The following HPS1 variants were observed in gnomAD, a reference collection of about 807,000 sequenced individuals.
HPS1 encodes HPS1 biogenesis of lysosomal organelles complex 3 subunit 1.
Under a neutral mutation model 90.6 loss-of-function variants are expected in HPS1, and 59 were observed. The observed-to-expected ratio is 0.65, with a 90% confidence interval of 0.53 to 0.81. The LOEUF is 0.81. Ranked by LOEUF, HPS1 falls within the 30% of genes least tolerant of loss-of-function variation. The pLI is 0.00. For missense variants in HPS1, 849 were observed against 896.7 expected (o/e 0.95, Z 0.68); for synonymous variants, 388 against 384.4 (o/e 1.01, Z -0.11).
Position 98,434,214 on chromosome 10 carries a change from A to G in HPS1, c.399-123T>C, listed in dbSNP as rs751274320. ...TGGTGAGCCCATATGACCTGCCCAC[A>G]CAGCTGGGAAAGGGGGCCAGGTTTC... On this transcript the variant is annotated intron_variant, in intron 5 of 19. Transcript: ENST00000361490. The G allele has an allele frequency of 2.7e-4, 261 of 960,700 alleles. 1 individual carries two copies. The highest frequency in any genetic ancestry group is 3.9e-4 in the Non-Finnish European group (255 of 660,776). 59.5% of individuals were successfully genotyped at this position (960,700 alleles called of 1,614,324 possible).
At chr10:98,425,163 C>G (rs905821332) in intron 13 of HPS1, among the ~76,000 whole-genome samples, 1 of 152,312 alleles carries the variant, frequency 6.6e-6, no homozygotes, top group Admixed American at 6.5e-5. Context: ...GGGACACAGC[C>G]CCGCTGCAGA....
chr10:98,422,231 A>G, intron 17 of HPS1, 138 bp downstream of exon 17: 1 of 858,684 alleles, frequency 1.2e-6, no homozygotes, highest in Non-Finnish European at 1.9e-6. Flanking sequence ...GCATTTATTT[A>G]TGCCGGCACT....
rs544117800 is a variant in HPS1, at chr10:98,426,057, T to C, written c.988-72A>G. 3,631 of 1,322,712 alleles carry C rather than the reference T, an allele frequency of 2.7e-3. 13 individuals carry two copies. The highest frequency in any genetic ancestry group is 3.6e-3 in the Non-Finnish European group (3,284 of 921,684). The allele number at this position is 1,322,712 out of a possible 1,614,324, so 81.9% of individuals were successfully genotyped here. On this transcript the variant is annotated intron_variant, in intron 11 of 19. Transcript: ENST00000361490. ...GACCCACCCATTGCGGCCCTATCTG[T>C]GAACCACAAGAAATAATCATTTTTA...
rs577312711 is a variant in HPS1 at position 98,446,892 on chromosome 10, C to G, written c.-191G>C. The G allele has an allele frequency of 4.7e-4, 72 of 152,174 alleles. No individual in the cohort carries two copies. The highest frequency in any genetic ancestry group is 1.6e-3 in the African/African-American group (67 of 41,546). The allele number at this position is 152,174 out of a possible 1,614,324, so 9.4% of individuals were successfully genotyped here. A position where few individuals can be genotyped will look rare whatever the true frequency, so the allele number is the denominator to read the frequency against. ...CAGCCCGGAGGCCCACGTACCGGAT[C>G]GCGGCGCGCACAGCGCCCCGCCTGC... is the stretch of plus-strand genomic sequence containing the variant. On this transcript the variant is annotated 5_prime_UTR_variant, in exon 1 of 20. Transcript: ENST00000361490.
At chr10:98,418,596 C>T (rs1317281408) in intron 18 of HPS1, among the ~76,000 whole-genome samples, 4 of 152,232 alleles carry the variant, frequency 2.6e-5, no homozygotes, top group Non-Finnish European at 5.9e-5. Flanking sequence ...CAAGCCTCTG[C>T]TCTGAAAGAA....
intron 19 of HPS1, 167 bp downstream of exon 19, chr10:98,418,008 A>G (rs1221581981): frequency 1.6e-6 from 1 of 642,344 alleles, no homozygotes; most frequent in Non-Finnish European, 2.8e-6. Context: ...TACCCTCCAC[A>G]CCCGTCCTCC....
chr10:98,435,853 T>C lies in HPS1; in HGVS notation c.118-81A>G, dbSNP rs1217386893. 5.7e-6 allele frequency: 9 copies of C among 1,578,284 alleles called. No individual in the cohort carries two copies. The highest frequency in any genetic ancestry group is 7.8e-6 in the Non-Finnish European group (9 of 1,150,022). On this transcript the variant is annotated intron_variant, in intron 3 of 19. Coordinates refer to ENST00000361490, the MANE Select transcript of HPS1 (RefSeq NM_000195.5). This position sits in a 1 kb window ranked among gnomAD's most constrained non-coding sequence, Gnocchi z 4.3. Reference sequence around the variant, plus strand: ...AGGAAGGGACAAGATCAGGCCTTGATATCAAGGGTTCCATAGTGTTAGACC... The same window carrying C: ...AGGAAGGGACAAGATCAGGCCTTGACATCAAGGGTTCCATAGTGTTAGACC...
chr10:98,417,689 C>T lies in HPS1; in HGVS notation c.1978G>A (p.Glu660Lys), dbSNP rs1268528373. 8.1e-6 allele frequency: 13 copies of T among 1,613,856 alleles called. No homozygotes were observed. Among genetic ancestry groups the T allele is most frequent in the South Asian group, 5.5e-5 (5 of 91,072 alleles). The change falls in exon 20 of 20, where the codon GAG becomes AAG. Residue 660 changes from glutamate (E) to lysine (K), a missense_variant. Glu to Lys is a moderately conservative substitution (Grantham distance 56, BLOSUM62 1). Coordinates refer to ENST00000361490, the MANE Select transcript of HPS1 (RefSeq NM_000195.5). The surrounding 1 kb of genome is among the most constrained non-coding windows in gnomAD (Gnocchi z 4.2). ...LRYYSKNRPT[E>K]AVRCYELLAL... is the part of the protein sequence containing the mutation. ...AGCAGCTCGTAGCACCTGACAGCCTCGGTTGGGCGGTTCTTGCTGTAGTAG... is the reference window on the plus strand; with the variant it reads ...AGCAGCTCGTAGCACCTGACAGCCTTGGTTGGGCGGTTCTTGCTGTAGTAG...
In HPS1 at chr10:98,425,699, G is replaced by A. The variant is rs137911107; in HGVS notation, c.1177C>T (p.Leu393=). Residue 393 remains leucine, a synonymous_variant, in exon 13 of 20, where the codon CTG becomes TTG. Coordinates refer to ENST00000361490, the MANE Select transcript of HPS1 (RefSeq NM_000195.5). ...CCATCCATCAGCTGGGACAGAACCA[G>A]GGCCAGGGGCGCGCTGGGGCTCTGA... is the stretch of plus-strand genomic sequence containing the variant. ...LTRSPSAPLA[L]VLSQLMDGFS... The A allele has an allele frequency of 6.2e-7, 1 of 1,611,370 alleles. No homozygotes were observed. Among genetic ancestry groups the A allele is most frequent in the South Asian group, 1.1e-5 (1 of 91,034 alleles).
chr10:98,435,390 T>C lies in HPS1; in HGVS notation c.280A>G (p.Ile94Val). 1.2e-6 allele frequency: 2 copies of C among 1,613,862 alleles called. No homozygotes were observed. Among genetic ancestry groups the C allele is most frequent in the Non-Finnish European group, 1.7e-6 (2 of 1,180,002 alleles). The stretch of plus-strand genomic sequence containing the variant: ...TCGCTCTCGGTGTGGTCACCATTGA[T>C]GGCAATGAACAGGCATTCTCCAAAC... ...HLFGECLFIA[I>V]NGDHTESEGD... The change falls in exon 5 of 20, where the codon ATC becomes GTC. Residue 94 changes from isoleucine to valine, a missense_variant. Ile to Val is a conservative substitution (Grantham distance 29). Transcript: ENST00000361490. The surrounding 1 kb of genome is among the most constrained non-coding windows in gnomAD (Gnocchi z 4.3).
chr10:98,426,914 T>C lies in HPS1; in HGVS notation c.987+301A>G, dbSNP rs1396344350. 2.6e-5 allele frequency among the ~76,000 whole-genome samples: 4 copies of C among 151,566 alleles called. No individual in the cohort carries two copies. The South Asian group carries it at 8.3e-4, about 32-fold the overall frequency. ...TTTCCCGATTTTTCTACAATAAATA[T>C]ACATGCTCACTTAAAAAAAAAATTC... is the stretch of plus-strand genomic sequence containing the variant. On this transcript the variant is annotated intron_variant, in intron 11 of 19. Transcript: ENST00000361490.
intron 1 of HPS1, among the ~76,000 whole-genome samples, chr10:98,446,558 C>A (rs1038185699): frequency 1.2e-4 from 18 of 152,272 alleles, no homozygotes; most frequent in African/African-American, 4.3e-4. Context: ...AGCGAGTCAG[C>A]AGTTCGCCGC....
At chr10:98,420,612 G>T (rs1198472215) in intron 17 of HPS1, among the ~76,000 whole-genome samples, 1 of 152,040 alleles carries the variant, frequency 6.6e-6, no homozygotes, top group Non-Finnish European at 1.5e-5. Context: ...GCTATTTGGG[G>T]GGCTGAGATG....
chr10:98,425,206 A>G (rs1354953714), intron 13 of HPS1, among the ~76,000 whole-genome samples: 3 of 152,248 alleles, frequency 2.0e-5, no homozygotes, highest in African/African-American at 7.2e-5. Flanking sequence ...TCCCGACTGC[A>G]CTTGCTCACT....
intron 8 of HPS1, 32 bp from the exon 9 acceptor site, chr10:98,429,921 C>A: frequency 6.3e-7 from 1 of 1,581,442 alleles, no homozygotes; most frequent in Non-Finnish European, 8.6e-7. Context: ...CTGGTTAGCT[C>A]CTATCTGACC....
chr10:98,439,945 T>C (rs986720049), intron 3 of HPS1, among the ~76,000 whole-genome samples: 15 of 152,012 alleles, frequency 9.9e-5, no homozygotes, highest in African/African-American at 3.6e-4. Flanking sequence ...TCTCATGAGA[T>C]CTAATGGTTT....
Position 98,445,022 on chromosome 10 carries a change from G to A in HPS1, c.-1+278C>T, listed in dbSNP as rs1351527270. 3.9e-5 allele frequency among the ~76,000 whole-genome samples: 6 copies of A among 152,284 alleles called. No individual in the cohort carries two copies. The highest frequency in any genetic ancestry group is 2.1e-4 in the South Asian group (1 of 4,822). Reference sequence around the variant, plus strand: ...GTCATGAAGGCGGTCATCTAGGTGCGGGTGTCAGGTAATGAGTGCTCACCC... The same window carrying A: ...GTCATGAAGGCGGTCATCTAGGTGCAGGTGTCAGGTAATGAGTGCTCACCC... On this transcript the variant is annotated intron_variant, in intron 2 of 19. Coordinates refer to ENST00000361490, the MANE Select transcript of HPS1 (RefSeq NM_000195.5). This position sits in a 1 kb window ranked among gnomAD's most constrained non-coding sequence, Gnocchi z 4.5.
chr10:98,440,047 T>C (rs577309428), intron 3 of HPS1, among the ~76,000 whole-genome samples: 12 of 152,336 alleles, frequency 7.9e-5, no homozygotes, highest in African/African-American at 2.4e-4. Context: ...TTTGACATGA[T>C]TGTAAGTTTC....
chr10:98,429,093 C>T (rs781268763), intron 10 of HPS1: 18 of 451,706 alleles, frequency 4.0e-5, no homozygotes, highest in Non-Finnish European at 4.6e-5. Context: ...CTACCCGCCT[C>T]GGCCTCCCAA....
Sources: gnomAD v4.1 joint callset for allele counts (sites outside exome capture counted in the v4.1 genomes callset) on GRCh38, gnomAD v4.1.1 for gene constraint, Gnocchi (gnomAD v3.1) non-coding constraint, MANE v1.5 for transcripts, NCBI Gene and HGNC (gene_info 2026-07-23, HGNC 2026-07-21) for gene names.